The following SEMA3A variants were observed in gnomAD, a reference collection of about 807,000 sequenced individuals.
SEMA3A encodes semaphorin 3A.
SEMA3A carries 29 observed loss-of-function variants against 97.9 expected under a neutral mutation model. The observed-to-expected ratio is 0.30, with a 90% CI of 0.22 to 0.40. The LOEUF is 0.40. SEMA3A is among the 10% of genes least tolerant of loss of function. The pLI, the probability that SEMA3A is intolerant of heterozygous loss-of-function variation, is 1.00. For synonymous variants in SEMA3A, 321 were observed against 323.7 expected (o/e 0.99, Z 0.09); for missense variants, 763 against 951.3 (o/e 0.80, Z 2.60).
chr7:84,452,369 T>C (rs1805577390), intron 1 of SEMA3A, among the ~76,000 whole-genome samples: 1 of 152,162 alleles, frequency 6.6e-6, no homozygotes, highest in Admixed American at 6.5e-5. Flanking sequence ...AGCAAGGCCA[T>C]GGGCACCTTA....
chr7:84,357,785 T>G (rs1003739146), intron 2 of SEMA3A, among the ~76,000 whole-genome samples: 1 of 151,842 alleles, frequency 6.6e-6, no homozygotes, highest in Admixed American at 6.6e-5. Context: ...CTCCACATCC[T>G]CTCCAGCACC....
intron 4 of SEMA3A, among the ~76,000 whole-genome samples, chr7:84,064,380 G>C (rs910970412): frequency 3.9e-5 from 6 of 152,114 alleles, no homozygotes; most frequent in Non-Finnish European, 4.4e-5. Context: ...AAAATAACCA[G>C]GTAACATCAT....
chr7:83,993,498 T>C lies in SEMA3A; in HGVS notation c.1453-8021A>G, dbSNP rs921633458. On this transcript the variant is annotated intron_variant, in intron 12 of 16. Transcript: ENST00000265362. ...TTAGTGCTTCCTTCAGGAGCTCTTTTAGGGCAGGCCTGGTGGTGACAAAAT... is the reference window on the plus strand; with the variant it reads ...TTAGTGCTTCCTTCAGGAGCTCTTTCAGGGCAGGCCTGGTGGTGACAAAAT... Among the ~76,000 whole-genome samples, 52 of 151,328 alleles carry C rather than the reference T, an allele frequency of 3.4e-4. No homozygotes were observed. The East Asian group carries it at 5.6e-3, about 16-fold the overall frequency.
chr7:83,982,271 G>GTCTT (rs1789447429), intron 13 of SEMA3A, among the ~76,000 whole-genome samples: 1 of 152,026 alleles, frequency 6.6e-6, no homozygotes, highest in South Asian at 2.1e-4. Flanking sequence ...TGTTTAATAG[G>GTCTT]TCTTTAAAGT....
chr7:84,381,526 T>C (rs957402672), intron 1 of SEMA3A, among the ~76,000 whole-genome samples: 1 of 152,162 alleles, frequency 6.6e-6, no homozygotes, highest in Non-Finnish European at 1.5e-5. Flanking sequence ...CATCAAAACA[T>C]ACAGAAACCT....
intron 2 of SEMA3A, among the ~76,000 whole-genome samples, chr7:84,360,656 T>A (rs613335): frequency 0.31 from 47,326 of 151,998 alleles, 8,276 homozygotes; most frequent in African/African-American, 0.46. Flanking sequence ...ACGAGTGTAG[T>A]ATACAATCTA....
chr7:84,171,954 A>G (rs1204282718), intron 1 of SEMA3A, among the ~76,000 whole-genome samples: 1 of 152,194 alleles, frequency 6.6e-6, no homozygotes, highest in Non-Finnish European at 1.5e-5. Context: ...CCATTAACTT[A>G]TAAGTTCAAG....
chr7:84,242,974 G>C (rs184874136), intron 3 of SEMA3A, among the ~76,000 whole-genome samples: 182 of 152,256 alleles, frequency 1.2e-3, no homozygotes, highest in African/African-American at 4.1e-3. Flanking sequence ...TGTGTATGTT[G>C]AACCAGGCTT....
chr7:84,286,412 G>C (rs892505639), intron 3 of SEMA3A, among the ~76,000 whole-genome samples: 2 of 152,118 alleles, frequency 1.3e-5, no homozygotes, highest in Non-Finnish European at 2.9e-5. Context: ...ATTATTTCAA[G>C]AATTGCTGAC....
intron 1 of SEMA3A, 72 bp from the exon 2 acceptor site, chr7:84,135,023 G>T (rs1796081206): frequency 1.6e-6 from 2 of 1,236,978 alleles, no homozygotes; most frequent in Non-Finnish European, 1.1e-6. Context: ...TTGGTACATG[G>T]TAACCTGACT....
chr7:84,162,280 T>C (rs1797059794), intron 1 of SEMA3A, among the ~76,000 whole-genome samples: 1 of 152,070 alleles, frequency 6.6e-6, no homozygotes, highest in Non-Finnish European at 1.5e-5. Context: ...GCTCTGTGAG[T>C]GGCTAGCAGA....
rs756333164 is a variant in SEMA3A at position 84,007,506 on chromosome 7, G to A, written c.996-9C>T. 9.2e-6 allele frequency: 14 copies of A among 1,523,668 alleles called. No homozygotes were observed. The highest frequency in any genetic ancestry group is 1.2e-5 in the Non-Finnish European group (14 of 1,132,654). 94.4% of individuals were successfully genotyped at this position (1,523,668 alleles called of 1,614,324 possible). A position where few individuals can be genotyped will look rare whatever the true frequency, so the allele number is the denominator to read the frequency against. ...ATCCCTTGAAAATGTTACTGAACAA[G>A]ACAGCAAGAATAAAAACAGAAGTTC... On this transcript the variant is annotated splice_polypyrimidine_tract_variant and intron_variant, in intron 9 of 16. Coordinates refer to ENST00000265362, the MANE Select transcript of SEMA3A (RefSeq NM_006080.3).
intron 3 of SEMA3A, among the ~76,000 whole-genome samples, chr7:84,270,760 T>C (rs1243010692): frequency 6.6e-6 from 1 of 151,254 alleles, no homozygotes; most frequent in Non-Finnish European, 1.5e-5. Flanking sequence ...TAAGTGTTAT[T>C]GGTTTTAAGA....
At chr7:84,267,767 C>A (rs1800043062) in intron 3 of SEMA3A, among the ~76,000 whole-genome samples, 1 of 152,136 alleles carries the variant, frequency 6.6e-6, no homozygotes, top group Middle Eastern at 3.4e-3. Context: ...CACACATATG[C>A]AAACACATAC....
At chr7:84,239,983 G>A (rs1438227230) in intron 3 of SEMA3A, among the ~76,000 whole-genome samples, 1 of 152,090 alleles carries the variant, frequency 6.6e-6, no homozygotes, top group East Asian at 1.9e-4. Flanking sequence ...TTAATTAAAA[G>A]CAATATATAT....
chr7:84,264,470 G>GT (rs1173338854), intron 3 of SEMA3A, among the ~76,000 whole-genome samples: 1 of 152,110 alleles, frequency 6.6e-6, no homozygotes, highest in Non-Finnish European at 1.5e-5. Context: ...TCTGGCTGCT[G>GT]TAACAGCAAT....
intron 1 of SEMA3A, among the ~76,000 whole-genome samples, chr7:84,422,285 AT>A (rs1263629736): frequency 2.0e-5 from 3 of 149,642 alleles, no homozygotes; most frequent in Non-Finnish European, 4.5e-5. Flanking sequence ...TTTATTCTAG[AT>A]TTTCTAGTTT....
At chr7:84,275,943 A>G (rs1013828911) in intron 3 of SEMA3A, among the ~76,000 whole-genome samples, 2 of 152,126 alleles carry the variant, frequency 1.3e-5, no homozygotes, top group Non-Finnish European at 2.9e-5. Context: ...AAAATTATTT[A>G]CATGGCTCAT....
chr7:84,376,087 A>C (rs1249071325), intron 1 of SEMA3A, among the ~76,000 whole-genome samples: 1 of 152,138 alleles, frequency 6.6e-6, no homozygotes, highest in Non-Finnish European at 1.5e-5. Context: ...TTTTTTATTC[A>C]CTCATCCACT....
Sources: gnomAD v4.1 joint callset for allele counts (sites outside exome capture counted in the v4.1 genomes callset) on GRCh38, gnomAD v4.1.1 for gene constraint, MANE v1.5 for transcripts, NCBI Gene and HGNC (gene_info 2026-07-23, HGNC 2026-07-21) for gene names.